MYO18B: variants seen among roughly 807,000 people sequenced by gnomAD.
The protein encoded by MYO18B is myosin XVIIIB, also known as unconventional myosin-XVIIIb.
In MYO18B, 204 loss-of-function variants were observed where a neutral mutation model predicts 273.0. The ratio of observed to expected loss-of-function variants is 0.75; its 90% CI spans 0.67 to 0.84. MYO18B has a LOEUF of 0.84. Ranked by LOEUF, MYO18B falls within the 40% of genes least tolerant of loss-of-function variation. The pLI is 0.00. For missense variants in MYO18B, 3,212 were observed against 3,287.6 expected (o/e 0.98, Z 0.56); for synonymous variants, 1,330 against 1,305.7 (o/e 1.02, Z -0.40).
chr22:25,920,809 C>G (rs538090264), intron 33 of MYO18B, among the ~76,000 whole-genome samples: 6 of 152,294 alleles, frequency 3.9e-5, no homozygotes, highest in African/African-American at 1.2e-4. Flanking sequence ...GAGGCTCTGT[C>G]CAGTCCCTGC....
chr22:26,021,839 C>A (rs892177717), intron 42 of MYO18B, among the ~76,000 whole-genome samples: 4 of 152,188 alleles, frequency 2.6e-5, no homozygotes, highest in Admixed American at 6.5e-5. Flanking sequence ...TCCGTTTGCT[C>A]TCTCCTATAT....
intron 17 of MYO18B, among the ~76,000 whole-genome samples, chr22:25,841,380 C>T (rs2090077915): frequency 6.6e-6 from 1 of 152,212 alleles, no homozygotes; most frequent in Non-Finnish European, 1.5e-5. Context: ...GAATAAAAGT[C>T]AACTTCAGGA....
intron 12 of MYO18B, among the ~76,000 whole-genome samples, chr22:25,808,444 C>T (rs2088584618): frequency 6.6e-6 from 1 of 152,182 alleles, no homozygotes; most frequent in Non-Finnish European, 1.5e-5. Context: ...CAAACAGCAG[C>T]ATGTGATGGG....
At chr22:25,820,009 A>G (rs2089203559) in intron 12 of MYO18B, among the ~76,000 whole-genome samples, 1 of 4,224 alleles carries the variant, frequency 2.4e-4, no homozygotes, top group Non-Finnish European at 5.4e-4. Flanking sequence ...AGCTGAACAA[A>G]GACGCAATGT....
rs398121761 is a variant in MYO18B, at chr22:26,014,913, T to TC, written c.6470+10059dup. On this transcript the variant is annotated intron_variant, in intron 42 of 43. Transcript: ENST00000335473. The stretch of plus-strand genomic sequence containing the variant: ...CTCACTTTTTAATGGGTTTTTTTTT[T>TC]CTTGTACATTTGTTTAAGTTCCTTA... Among the ~76,000 whole-genome samples, 8 of 152,176 alleles carry TC rather than the reference T, an allele frequency of 5.3e-5. No individual in the cohort carries two copies. In the South Asian group the frequency reaches 1.7e-3, roughly 32 times the overall value.
At chr22:25,769,567 T>A in intron 4 of MYO18B, 139 bp downstream of exon 4, 1 of 767,382 alleles carries the variant, frequency 1.3e-6, no homozygotes, top group Non-Finnish European at 2.0e-6. Context: ...TGGCTGGAAC[T>A]GCAAGGCACC....
rs544183257 is a variant in MYO18B, at chr22:25,997,596, GA to G, written c.6287+5109del. ...TATCATAGAAATGGGGAAACTGGGGGAAAAAATTGCCCATGAAGTCTCAACA... is the reference window on the plus strand; with the variant it reads ...TATCATAGAAATGGGGAAACTGGGGGAAAAATTGCCCATGAAGTCTCAACA... On this transcript the variant is annotated intron_variant, in intron 40 of 43. Coordinates refer to ENST00000335473, the MANE Select transcript of MYO18B (RefSeq NM_032608.7). Among the ~76,000 whole-genome samples the G allele has an allele frequency of 7.9e-5, 12 of 152,224 alleles. No homozygotes were observed. The East Asian group carries it at 9.7e-4, about 12-fold the overall frequency.
At chr22:25,972,943 G>C (rs1378422518) in intron 39 of MYO18B, among the ~76,000 whole-genome samples, 2 of 142,564 alleles carry the variant, frequency 1.4e-5, no homozygotes, top group Non-Finnish European at 3.0e-5. Flanking sequence ...GTGACAAAGT[G>C]ACTCTGTCTC....
At chr22:25,861,232 G>A (rs1173707418) in intron 21 of MYO18B, among the ~76,000 whole-genome samples, 2 of 152,030 alleles carry the variant, frequency 1.3e-5, no homozygotes, top group African/African-American at 4.8e-5. Flanking sequence ...TGAGAGTCAG[G>A]TATTACGCTC....
intron 33 of MYO18B, among the ~76,000 whole-genome samples, chr22:25,914,515 T>A (rs1405433432): frequency 6.6e-6 from 1 of 151,944 alleles, no homozygotes; most frequent in African/African-American, 2.4e-5. Flanking sequence ...GTATTCTATC[T>A]ATATTTCAAC....
chr22:25,988,297 T>C (rs560552970), intron 39 of MYO18B, among the ~76,000 whole-genome samples: 11 of 152,196 alleles, frequency 7.2e-5, no homozygotes, highest in African/African-American at 2.4e-4. Flanking sequence ...GTTTTGGAGT[T>C]GAAGCAGGAA....
At chr22:26,007,475 G>T (rs2146931634) in intron 42 of MYO18B, among the ~76,000 whole-genome samples, 1 of 152,266 alleles carries the variant, frequency 6.6e-6, no homozygotes, top group South Asian at 2.1e-4. Flanking sequence ...CACTCACCTG[G>T]TAAAGTTTAC....
rs762109284 is a variant in MYO18B at position 25,895,312 on chromosome 22, G to A, written c.4668+32G>A. ...TGTGGGGATAGTCTGGGCCACAGAA[G>A]TGTTAGAGAGTGGGCAGGCTCTCAC... is the stretch of plus-strand genomic sequence containing the variant. On this transcript the variant is annotated intron_variant, in intron 28 of 43. Transcript: ENST00000335473. 4.5e-6 allele frequency: 7 copies of A among 1,568,266 alleles called. 1 individual carries two copies. The African/African-American group carries it at 6.8e-5, about 15-fold the overall frequency.
intron 14 of MYO18B, 92 bp from the exon 15 acceptor site, chr22:25,828,684 G>C (rs958040383): frequency 1.2e-5 from 15 of 1,265,628 alleles, no homozygotes; most frequent in Non-Finnish European, 1.5e-5. Flanking sequence ...AGGTGAGCTT[G>C]GTTTTGAAAC....
chr22:26,018,436 A>T (rs1213826255), intron 42 of MYO18B, among the ~76,000 whole-genome samples: 1 of 152,020 alleles, frequency 6.6e-6, no homozygotes, highest in Non-Finnish European at 1.5e-5. Context: ...CCTTGCTTTG[A>T]ACTTCCCTCT....
chr22:25,752,023 T>C (rs1410029164), intron 1 of MYO18B, among the ~76,000 whole-genome samples: 1 of 152,180 alleles, frequency 6.6e-6, no homozygotes, highest in African/African-American at 2.4e-5. Flanking sequence ...ACTCAGGCCA[T>C]GATAAACATG....
chr22:25,823,765 C>A, intron 13 of MYO18B, 87 bp downstream of exon 13: 3 of 1,405,684 alleles, frequency 2.1e-6, no homozygotes, highest in South Asian at 2.6e-5. Context: ...ACTTTTTTAT[C>A]AAAGATTTGT....
At chr22:25,757,476 A>G (rs2086161121) in intron 1 of MYO18B, among the ~76,000 whole-genome samples, 1 of 151,800 alleles carries the variant, frequency 6.6e-6, no homozygotes, top group Non-Finnish European at 1.5e-5. Context: ...AGTCCCAGCT[A>G]CTCAGGAGGC....
At chr22:26,005,066 C>A (rs1014960592) in intron 42 of MYO18B, among the ~76,000 whole-genome samples, 1 of 152,188 alleles carries the variant, frequency 6.6e-6, no homozygotes, top group Non-Finnish European at 1.5e-5. Flanking sequence ...ATCTGCAATA[C>A]ATGGAATATA....
Sources: allele counts gnomAD v4.1 joint callset (sites outside exome capture counted in the v4.1 genomes callset), GRCh38; gene constraint gnomAD v4.1.1; transcripts MANE v1.5; gene names NCBI Gene and HGNC (gene_info 2026-07-23, HGNC 2026-07-21).